LGR6: variants seen among roughly 807,000 people sequenced by gnomAD.
The protein encoded by LGR6 is leucine-rich repeat-containing G protein-coupled receptor 6.
Under a neutral mutation model 69.4 loss-of-function variants are expected in LGR6, and 45 were observed. The ratio of observed to expected loss-of-function variants is 0.65; its 90% CI spans 0.51 to 0.83. The LOEUF is 0.83. Among genes scored for constraint, LGR6 ranks in the 40% least tolerant of loss-of-function variants. LGR6 has a pLI of 0.00. For missense variants in LGR6, 1,108 were observed against 1,246.7 expected (o/e 0.89, Z 1.68); for synonymous variants, 538 against 555.0 (o/e 0.97, Z 0.43).
rs78086882 is a variant in LGR6, at chr1:202,276,555, G to T, written c.644+34G>T. 955 of 1,542,898 alleles carry T rather than the reference G, an allele frequency of 6.2e-4. 7 individuals carry two copies. The African/African-American group carries it at 0.012, about 19-fold the overall frequency. On this transcript the variant is annotated intron_variant, in intron 5 of 17. Coordinates refer to ENST00000367278, the MANE Select transcript of LGR6 (RefSeq NM_001017403.2). Reference sequence around the variant, plus strand: ...TGCTCTGTTCCCCATCCCCAGTGGGGTCCTGCTGGGGGCTGGGGGCTGCAT... The same window carrying T: ...TGCTCTGTTCCCCATCCCCAGTGGGTTCCTGCTGGGGGCTGGGGGCTGCAT...
intron 4 of LGR6, 44 bp from the exon 5 acceptor site, chr1:202,276,262 C>A: frequency 6.5e-7 from 1 of 1,529,694 alleles, no homozygotes; most frequent in Non-Finnish European, 9.0e-7. Context: ...GCTTGGTCTG[C>A]ATCTTGCCCT....
chr1:202,267,024 G>A (rs866529135), intron 4 of LGR6, among the ~76,000 whole-genome samples: 8 of 152,124 alleles, frequency 5.3e-5, no homozygotes, highest in South Asian at 2.1e-4. Context: ...TGTGTGGAAC[G>A]CCTGGCTAAT....
intron 2 of LGR6, 116 bp downstream of exon 2, chr1:202,225,610 A>G: frequency 1.3e-6 from 1 of 786,110 alleles, no homozygotes; most frequent in Non-Finnish European, 2.1e-6. Flanking sequence ...GGAAGCTAAG[A>G]CAGTTCTTGA....
chr1:202,309,020 T>G, intron 14 of LGR6, 31 bp from the exon 15 acceptor site: 2 of 1,612,408 alleles, frequency 1.2e-6, no homozygotes, highest in East Asian at 4.5e-5. Context: ...TCCCACTGAC[T>G]GCCAATAACC....
chr1:202,298,869 AGT>A (rs1667368788), intron 7 of LGR6, among the ~76,000 whole-genome samples: 1 of 151,982 alleles, frequency 6.6e-6, no homozygotes, highest in African/African-American at 2.4e-5. Context: ...TGAGACCTAT[AGT>A]ACTAGCCCCA....
intron 1 of LGR6, among the ~76,000 whole-genome samples, chr1:202,220,280 T>A (rs1464255488): frequency 2.0e-5 from 3 of 152,048 alleles, no homozygotes; most frequent in Non-Finnish European, 4.4e-5. Flanking sequence ...TGCAGTGGCA[T>A]GATCTTGGCT....
intron 4 of LGR6, among the ~76,000 whole-genome samples, chr1:202,248,232 A>G (rs1662921136): frequency 6.6e-6 from 1 of 152,192 alleles, no homozygotes; most frequent in South Asian, 2.1e-4. Flanking sequence ...CACTAAGTCC[A>G]ACTGACTCTT....
At chr1:202,241,742 C>T (rs545359009) in intron 4 of LGR6, among the ~76,000 whole-genome samples, 29 of 152,092 alleles carry the variant, frequency 1.9e-4, no homozygotes, top group African/African-American at 6.8e-4. Context: ...TCCTGGGGAG[C>T]TCCGGTGGGC....
chr1:202,303,405 C>G, intron 10 of LGR6, 58 bp downstream of exon 10: 2 of 1,335,504 alleles, frequency 1.5e-6, no homozygotes, highest in Admixed American at 1.7e-5. Flanking sequence ...CCCAAGAGCT[C>G]TTCCACTCCC....
rs1571929098 is a variant in LGR6, at chr1:202,268,309, C to T, written c.429-7997C>T. On this transcript the variant is annotated intron_variant, in intron 4 of 17. Transcript: ENST00000367278. The surrounding 1 kb of genome is among the most constrained non-coding windows in gnomAD (Gnocchi z 4.4). ...TATGGAAGGCCCAAGGGCATCTCCT[C>T]ACTGCTCGGCAGGTGCCAGCCTGCT... Among the ~76,000 whole-genome samples the T allele has an allele frequency of 6.6e-6, 1 of 152,218 alleles. No individual in the cohort carries two copies. The highest frequency in any genetic ancestry group is 2.4e-5 in the African/African-American group (1 of 41,456).
At position 202,277,289 on chromosome 1, in the gene LGR6, A is replaced by G. The variant is rs189049604; in HGVS notation, c.644+768A>G. Among the ~76,000 whole-genome samples, 14 of 152,282 alleles carry G rather than the reference A, an allele frequency of 9.2e-5. No individual in the cohort carries two copies. The East Asian group carries it at 2.7e-3, about 29-fold the overall frequency. On this transcript the variant is annotated intron_variant, in intron 5 of 17. Coordinates refer to ENST00000367278, the MANE Select transcript of LGR6 (RefSeq NM_001017403.2). ...TTGAAGATCTGGCGTGATTTTCTAA[A>G]CCAGGGAATGGATGATACCTAGTTC...
At chr1:202,301,358 G>C in intron 9 of LGR6, 123 bp downstream of exon 9, 1 of 815,592 alleles carries the variant, frequency 1.2e-6, no homozygotes, top group East Asian at 2.6e-5. Context: ...TGCAAAGCGT[G>C]GTCTTCAAGG....
At position 202,287,787 on chromosome 1, in the gene LGR6, C is replaced by T. The variant is rs116803864; in HGVS notation, c.716+6935C>T. Among the ~76,000 whole-genome samples the T allele has an allele frequency of 6.6e-3, 1,002 of 152,304 alleles. 7 individuals are homozygous for T. The highest frequency in any genetic ancestry group is 0.023 in the African/African-American group (957 of 41,558). On this transcript the variant is annotated intron_variant, in intron 6 of 17. Transcript: ENST00000367278. ...TCCAACTATATTAAGAATCTGACCACGTCTCACCCCTTCCACTGCTACCAC... is the reference window on the plus strand; with the variant it reads ...TCCAACTATATTAAGAATCTGACCATGTCTCACCCCTTCCACTGCTACCAC...
At chr1:202,194,717 G>GGGT in intron 1 of LGR6, 16 of 189,214 alleles carry the variant, frequency 8.5e-5, no homozygotes, top group Middle Eastern at 2.2e-3. Context: ...GGGGGGGCGG[G>GGGT]TTTCCTAGAA....
rs540183825 is a variant in LGR6 at position 202,311,704 on chromosome 1, A to T, written c.1567+1347A>T. 8.5e-5 allele frequency among the ~76,000 whole-genome samples: 13 copies of T among 152,336 alleles called. No individual in the cohort carries two copies. The South Asian group carries it at 2.7e-3, about 32-fold the overall frequency. On this transcript the variant is annotated intron_variant, in intron 16 of 17. Coordinates refer to ENST00000367278, the MANE Select transcript of LGR6 (RefSeq NM_001017403.2). ...AATAAGTAAATGAGAAAGATAATGG[A>T]TAGCTCATAGGCTGTTGGGGAAGAC...
intron 7 of LGR6, among the ~76,000 whole-genome samples, chr1:202,300,123 C>G (rs1667472973): frequency 6.6e-6 from 1 of 152,240 alleles, no homozygotes; most frequent in African/African-American, 2.4e-5. Flanking sequence ...CTTGGGATCC[C>G]CTGGAAGCTG....
chr1:202,284,203 G>C (rs1472283811), intron 6 of LGR6, among the ~76,000 whole-genome samples: 1 of 152,168 alleles, frequency 6.6e-6, no homozygotes, highest in South Asian at 2.1e-4. Context: ...AAGCTCCCAG[G>C]ACATTTCTCC....
chr1:202,196,962 G>A (rs909109508), intron 1 of LGR6: 9 of 515,762 alleles, frequency 1.7e-5, no homozygotes, highest in Non-Finnish European at 3.6e-5. Flanking sequence ...GGGAGAGTGG[G>A]GACTTAGGTC....
intron 3 of LGR6, among the ~76,000 whole-genome samples, chr1:202,230,463 G>A (rs1219730201): frequency 2.0e-5 from 3 of 152,192 alleles, no homozygotes; most frequent in Non-Finnish European, 2.9e-5. Context: ...ACCATCACTA[G>A]TCTCACCATC....
Sources: gnomAD v4.1 joint callset for allele counts (sites outside exome capture counted in the v4.1 genomes callset) on GRCh38, gnomAD v4.1.1 for gene constraint, Gnocchi (gnomAD v3.1) non-coding constraint, MANE v1.5 for transcripts, NCBI Gene and HGNC (gene_info 2026-07-23, HGNC 2026-07-21) for gene names.